CFAP74: variants seen among roughly 807,000 people sequenced by gnomAD.
The protein encoded by CFAP74 is cilia- and flagella-associated protein 74.
Under a neutral mutation model 188.9 loss-of-function variants are expected in CFAP74, and 124 were observed. That is an observed-to-expected ratio of 0.66 (90% CI 0.57 to 0.76). The LOEUF is 0.76. CFAP74 is among the 30% of genes least tolerant of loss of function. The pLI, the probability that CFAP74 is intolerant of heterozygous loss-of-function variation, is 0.00. For missense variants in CFAP74, 2,198 were observed against 2,165.2 expected (o/e 1.02, Z -0.30); for synonymous variants, 956 against 916.7 (o/e 1.04, Z -0.77).
chr1:1,937,029 G>T (rs887015789), intron 25 of CFAP74, among the ~76,000 whole-genome samples: 1 of 152,244 alleles, frequency 6.6e-6, no homozygotes, highest in African/African-American at 2.4e-5. Context: ...ATGAGGAGTG[G>T]AATTTGTGTA....
intron 13 of CFAP74, 117 bp downstream of exon 13, chr1:1,964,771 C>A (rs1655342795): frequency 9.2e-7 from 1 of 1,091,422 alleles, no homozygotes; most frequent in Non-Finnish European, 1.3e-6. Flanking sequence ...GCCTGGGCGA[C>A]AGAGTGAGAC....
chr1:1,978,228 C>T (rs960419937), intron 6 of CFAP74, among the ~76,000 whole-genome samples: 1 of 152,178 alleles, frequency 6.6e-6, no homozygotes, highest in African/African-American at 2.4e-5. Flanking sequence ...AGTCCTGTGC[C>T]CTTTGAAAGC....
At chr1:1,950,450 C>T (rs1654137371) in intron 18 of CFAP74, among the ~76,000 whole-genome samples, 1 of 151,928 alleles carries the variant, frequency 6.6e-6, no homozygotes, top group African/African-American at 2.4e-5. Context: ...AGTGATTCTC[C>T]TGCCTCAGCC....
In CFAP74 at chr1:1,924,701, G is replaced by A. The variant is rs537964534; in HGVS notation, c.4105-181C>T. On this transcript the variant is annotated intron_variant, in intron 33 of 38. Coordinates refer to ENST00000682832, the MANE Select transcript of CFAP74 (RefSeq NM_001304360.2). ...CTGTGTGCCAACATCCCTTCTTCCA[G>A]CCTCTCATCAGCCTTTGCTAGGCCG... 3.9e-5 allele frequency among the ~76,000 whole-genome samples: 6 copies of A among 152,288 alleles called. No individual in the cohort carries two copies. The East Asian group carries it at 1.2e-3, about 30-fold the overall frequency.
At chr1:1,938,605 T>C (rs960024722) in intron 25 of CFAP74, among the ~76,000 whole-genome samples, 4 of 152,138 alleles carry the variant, frequency 2.6e-5, no homozygotes, top group East Asian at 3.9e-4. Flanking sequence ...CACATGCTCA[T>C]ATACATACAC....
At chr1:1,931,195 C>G (rs914740000) in intron 25 of CFAP74, among the ~76,000 whole-genome samples, 11 of 151,862 alleles carry the variant, frequency 7.2e-5, no homozygotes, top group Non-Finnish European at 1.6e-4. Context: ...TTTGGGAGGC[C>G]GAGGAGGGCG....
rs113623628 is a variant in CFAP74, at chr1:1,935,212, T to C, written c.3011+3643A>G. Among the ~76,000 whole-genome samples, 227 of 65,272 alleles carry C rather than the reference T, an allele frequency of 3.5e-3. 59 individuals are homozygous for C. Among genetic ancestry groups the C allele is most frequent in the African/African-American group, 0.013 (218 of 17,086 alleles). The allele number at this position is 65,272 out of a possible 152,430, so 42.8% of individuals were successfully genotyped here. ...TTGTGGGTACACACGTGTACGTGGG[T>C]GTTGTAGGTACACACGTGTGTACGT... On this transcript the variant is annotated intron_variant, in intron 25 of 38. Transcript: ENST00000682832.
rs1180156692 is a variant in CFAP74, at chr1:1,972,009, C to A, written c.859G>T (p.Ala287Ser). The A allele has an allele frequency of 6.2e-7, 1 of 1,612,200 alleles. No homozygotes were observed. Among genetic ancestry groups the A allele is most frequent in the South Asian group, 1.1e-5 (1 of 91,084 alleles). ...YMRRRMDAVV[A>S]LKGSISANRD... ...TTCGCGGAGATGCTGCCCTTCAGCG[C>A]CACCACCGCATCCATGCGTCGCCTC... Residue 287 changes from alanine (A) to serine (S), a missense_variant, in exon 9 of 39, where the codon GCG (alanine) becomes TCG (serine). Transcript: ENST00000682832.
At chr1:1,924,874 C>A (rs1256251732) in intron 33 of CFAP74, among the ~76,000 whole-genome samples, 1 of 152,276 alleles carries the variant, frequency 6.6e-6, no homozygotes, top group African/African-American at 2.4e-5. Context: ...CTTAGAGCAC[C>A]CTTTCTCCAT....
chr1:1,924,894 G>A (rs1387586954), intron 33 of CFAP74, among the ~76,000 whole-genome samples: 2 of 152,234 alleles, frequency 1.3e-5, no homozygotes, highest in South Asian at 2.1e-4. Flanking sequence ...TGCAACGCCC[G>A]TCTCGGGCTC....
chr1:1,983,081 G>A (rs1343582608), intron 6 of CFAP74, among the ~76,000 whole-genome samples: 1 of 152,174 alleles, frequency 6.6e-6, no homozygotes, highest in Non-Finnish European at 1.5e-5. Flanking sequence ...AATCCTGATG[G>A]GCCGGATCAT....
rs3838975 is a variant in CFAP74 at position 1,955,672 on chromosome 1, GC to G, written c.2176+18del. 0.26 allele frequency: 413,375 copies of G among 1,612,216 alleles called. 54,719 individuals are homozygous for G. The highest frequency in any genetic ancestry group is 0.27 in the Non-Finnish European group (321,410 of 1,178,994). On this transcript the variant is annotated intron_variant, in intron 18 of 38. Transcript: ENST00000682832. ...CTCACCGCCCGCCCACCCTGGCTTG[GC>G]CTGGCAGCCTGGCTCACCTGCGGGC... is the stretch of plus-strand genomic sequence containing the variant.
At position 1,942,583 on chromosome 1, in the gene CFAP74, G is replaced by C. The variant is rs554726525; in HGVS notation, c.2487-427C>G. ...AGCTCAAGCACAGGGCACGTGGGGGGCCTGGGACGGCCACAGGCCTCGGTT... is the reference window on the plus strand; with the variant it reads ...AGCTCAAGCACAGGGCACGTGGGGGCCCTGGGACGGCCACAGGCCTCGGTT... On this transcript the variant is annotated intron_variant, in intron 21 of 38. Transcript: ENST00000682832. The surrounding 1 kb of genome is among the most constrained non-coding windows in gnomAD (Gnocchi z 4.3). 6.6e-6 allele frequency among the ~76,000 whole-genome samples: 1 copy of C among 152,184 alleles called. No homozygotes were observed. The highest frequency in any genetic ancestry group is 1.5e-5 in the Non-Finnish European group (1 of 67,968).
At chr1:1,957,291 G>GC (rs942608231) in intron 16 of CFAP74, among the ~76,000 whole-genome samples, 18 of 152,340 alleles carry the variant, frequency 1.2e-4, no homozygotes, top group Non-Finnish European at 2.5e-4. Context: ...CTGCCCAATG[G>GC]CCCCTCCTCG....
intron 4 of CFAP74, 115 bp from the exon 5 acceptor site, chr1:1,987,150 T>A: frequency 1.3e-6 from 1 of 776,464 alleles, no homozygotes; most frequent in Non-Finnish European, 2.1e-6. Context: ...AGAGCCCCCC[T>A]CACCCGGGCC....
In CFAP74 at chr1:1,935,357, TAC is replaced by T. The variant is rs1175467884; in HGVS notation, c.3011+3496_3011+3497del. Among the ~76,000 whole-genome samples, 3 of 91,638 alleles carry T rather than the reference TAC, an allele frequency of 3.3e-5. 1 individual carries two copies. The highest frequency in any genetic ancestry group is 2.6e-4 in the Admixed American group (2 of 7,808). 60.1% of individuals were successfully genotyped at this position (91,638 alleles called of 152,430 possible). On this transcript the variant is annotated intron_variant, in intron 25 of 38. Coordinates refer to ENST00000682832, the MANE Select transcript of CFAP74 (RefSeq NM_001304360.2). The stretch of plus-strand genomic sequence containing the variant: ...GTGTACGTGGGTGTTAGGTTGTAGG[TAC>T]ACACGTGTGTATGTGGGTGTTAGGT...
rs369090981 is a variant in CFAP74 at position 1,929,943 on chromosome 1, CCT to C, written c.3288+115_3288+116del. 423 of 1,199,348 alleles carry C rather than the reference CCT, an allele frequency of 3.5e-4. 2 individuals are homozygous for C. The African/African-American group carries it at 5.2e-3, about 15-fold the overall frequency. 74.3% of individuals were successfully genotyped at this position (1,199,348 alleles called of 1,614,324 possible). On this transcript the variant is annotated intron_variant, in intron 26 of 38. Coordinates refer to ENST00000682832, the MANE Select transcript of CFAP74 (RefSeq NM_001304360.2). ...TCTGAGGGTCAGGTTCACTCCCGCC[CCT>C]GTTCTCCGGGTTGAAACCCTGTGGT...
At chr1:1,987,127 G>A in intron 4 of CFAP74, 92 bp from the exon 5 acceptor site, 4 of 1,041,426 alleles carry the variant, frequency 3.8e-6, no homozygotes, top group Non-Finnish European at 5.7e-6. Context: ...AGGTGAGGCA[G>A]AGCCAGACCC....
rs1226896957 is a variant in CFAP74, at chr1:1,939,739, G to A, written c.2732C>T (p.Ala911Val). The A allele has an allele frequency of 1.3e-6, 2 of 1,536,084 alleles. No homozygotes were observed. The highest frequency in any genetic ancestry group is 2.0e-5 in the Admixed American group (1 of 50,998). Residue 911 changes from alanine (A) to valine (V), a missense_variant, in exon 24 of 39, where the codon GCC becomes GTC. By Grantham distance (64) the Ala-to-Val change is moderately conservative (BLOSUM62 0). Transcript: ENST00000682832. The part of the protein sequence containing the change: ...QNKPVGFTVH[A>V]IVTTSDLELS... Reference sequence around the variant, plus strand: ...CTCCAGGTCCGAGGTGGTGACAATGGCATGCACGGTGAATCCCACTGGCTT... The same window carrying A: ...CTCCAGGTCCGAGGTGGTGACAATGACATGCACGGTGAATCCCACTGGCTT...
Sources: gnomAD v4.1 joint callset for allele counts (sites outside exome capture counted in the v4.1 genomes callset) on GRCh38, gnomAD v4.1.1 for gene constraint, Gnocchi (gnomAD v3.1) non-coding constraint, MANE v1.5 for transcripts, NCBI Gene and HGNC (gene_info 2026-07-23, HGNC 2026-07-21) for gene names.